Variants in ERC2 observed in about 807,000 individuals in gnomAD.
ERC2 encodes ELKS/RAB6-interacting/CAST family member 2, also known as ERC protein 2.
A neutral mutation model predicts 114.8 loss-of-function variants in ERC2; 42 were observed. The observed-to-expected ratio is 0.37, with a 90% CI of 0.29 to 0.47. The LOEUF is 0.47. ERC2 is among the 20% of genes least tolerant of loss of function. The probability of loss-of-function intolerance (pLI) is 0.99; values close to 1 mark genes in which losing one functional copy is unlikely to be tolerated. For synonymous variants in ERC2, 454 were observed against 425.5 expected, an observed-to-expected ratio of 1.07 and a Z score of -0.82; for missense variants, 939 against 1,150.7, an observed-to-expected ratio of 0.82 and a Z score of 2.66.
chr3:56,431,985 T>TGA (rs2061812480), intron 2 of ERC2, among the ~76,000 whole-genome samples: 1 of 152,224 alleles, frequency 6.6e-6, no homozygotes, highest in African/African-American at 2.4e-5. Flanking sequence ...TATGGCAACC[T>TGA]GAGACGGTTA....
intron 3 of ERC2, among the ~76,000 whole-genome samples, chr3:56,250,208 GT>G (rs1016175563): frequency 1.3e-5 from 2 of 152,088 alleles, no homozygotes; most frequent in Admixed American, 1.3e-4. Context: ...CCCACAAATG[GT>G]TTTGCACCAT....
intron 2 of ERC2, among the ~76,000 whole-genome samples, chr3:56,324,160 C>G (rs933229361): frequency 6.6e-6 from 1 of 152,130 alleles, no homozygotes; most frequent in African/African-American, 2.4e-5. Context: ...CTATTTTAAT[C>G]CTGAAGAAAG....
intron 2 of ERC2, among the ~76,000 whole-genome samples, chr3:56,367,424 T>C (rs1025881620): frequency 1.3e-5 from 2 of 152,174 alleles, no homozygotes; most frequent in African/African-American, 2.4e-5. Context: ...CTATACCCAG[T>C]GCCCTCTTCC....
At chr3:55,656,881 T>A (rs1184750094) in intron 17 of ERC2, among the ~76,000 whole-genome samples, 1 of 151,956 alleles carries the variant, frequency 6.6e-6, no homozygotes, top group Non-Finnish European at 1.5e-5. Flanking sequence ...GTAGAAGGGG[T>A]CACGATGAAG....
chr3:55,569,909 G>A (rs1291333622), intron 17 of ERC2, among the ~76,000 whole-genome samples: 1 of 146,344 alleles, frequency 6.8e-6, no homozygotes, highest in African/African-American at 2.5e-5. Context: ...TCAGGCTGGA[G>A]TGCAGTGGTG....
chr3:55,767,858 T>G (rs1327829767), intron 14 of ERC2, among the ~76,000 whole-genome samples: 3 of 152,134 alleles, frequency 2.0e-5, no homozygotes, highest in African/African-American at 7.2e-5. Context: ...GTACCAAATG[T>G]AGGATGGTGA....
Position 55,699,467 on chromosome 3 carries a change from G to A in ERC2, c.2758C>T (p.His920Tyr), listed in dbSNP as rs2063111636. ...KLMADNYDDD[H>Y]HHYHHHHHHH... ...TGGTGGTGGTGGTGGTAATGGTGAT[G>A]GTCATCATCATAGTTGTCTGCCATC... is the stretch of plus-strand genomic sequence containing the variant. Residue 920 changes from histidine to tyrosine, a missense_variant, in exon 16 of 18, where the codon CAT becomes TAT. Coordinates refer to ENST00000288221, the MANE Select transcript of ERC2 (RefSeq NM_015576.3). 6.2e-7 allele frequency: 1 copy of A among 1,613,596 alleles called. No homozygotes were observed. Among genetic ancestry groups the A allele is most frequent in the Non-Finnish European group, 8.5e-7 (1 of 1,179,722 alleles).
At chr3:56,265,391 G>A (rs942929933) in intron 3 of ERC2, among the ~76,000 whole-genome samples, 4 of 152,146 alleles carry the variant, frequency 2.6e-5, no homozygotes, top group Non-Finnish European at 5.9e-5. Flanking sequence ...TGGGGAAACT[G>A]GATATCCATA....
At chr3:55,888,361 G>C (rs568877262) in intron 14 of ERC2, 28 bp downstream of exon 14, 2 of 1,612,706 alleles carry the variant, frequency 1.2e-6, no homozygotes, top group East Asian at 2.2e-5. Context: ...AGAAGAGAGA[G>C]GCTACCAAAG....
At chr3:55,519,874 C>A (rs1473739648) in intron 17 of ERC2, among the ~76,000 whole-genome samples, 1 of 151,834 alleles carries the variant, frequency 6.6e-6, no homozygotes, top group Non-Finnish European at 1.5e-5. Flanking sequence ...GGAAACACGA[C>A]AAAACCTCAT....
intron 17 of ERC2, among the ~76,000 whole-genome samples, chr3:55,560,259 C>T (rs1028349207): frequency 1.3e-5 from 2 of 152,228 alleles, no homozygotes; most frequent in African/African-American, 2.4e-5. Flanking sequence ...AGTGGGCTGA[C>T]ATTGGCTCAC....
intron 2 of ERC2, among the ~76,000 whole-genome samples, chr3:56,299,118 T>G (rs1344482072): frequency 7.5e-6 from 1 of 133,746 alleles, no homozygotes; most frequent in Non-Finnish European, 1.6e-5. Flanking sequence ...TTTTTTTTTT[T>G]GTTTTTTTTT....
chr3:55,753,339 C>T (rs556318349), intron 14 of ERC2, among the ~76,000 whole-genome samples: 1 of 152,144 alleles, frequency 6.6e-6, no homozygotes, highest in Non-Finnish European at 1.5e-5. Flanking sequence ...CTTGACTTTA[C>T]GTATCTTAGC....
intron 12 of ERC2, among the ~76,000 whole-genome samples, chr3:55,969,717 T>C (rs768433563): frequency 1.8e-4 from 28 of 152,208 alleles, no homozygotes; most frequent in Non-Finnish European, 3.2e-4. Context: ...CAGAAGGCTG[T>C]AGTGCTTGGG....
intron 3 of ERC2, among the ~76,000 whole-genome samples, chr3:56,194,763 T>A (rs1046024773): frequency 1.2e-4 from 18 of 152,170 alleles, no homozygotes. Context: ...CATTGTCATA[T>A]GTGGCCCACA....
chr3:55,938,454 A>G (rs1300103720), intron 13 of ERC2, among the ~76,000 whole-genome samples: 2 of 152,206 alleles, frequency 1.3e-5, no homozygotes, highest in African/African-American at 2.4e-5. Flanking sequence ...ACCAAGCAAC[A>G]GTCAAGAACG....
At chr3:56,286,746 A>G (rs1385305753) in intron 3 of ERC2, among the ~76,000 whole-genome samples, 1 of 151,660 alleles carries the variant, frequency 6.6e-6, no homozygotes, top group Non-Finnish European at 1.5e-5. Context: ...AAGGTAAAAA[A>G]CATTCTTAGC....
At chr3:56,383,901 C>T (rs577837604) in intron 2 of ERC2, among the ~76,000 whole-genome samples, 1 of 152,238 alleles carries the variant, frequency 6.6e-6, no homozygotes, top group Non-Finnish European at 1.5e-5. Context: ...TGCTTTGTGT[C>T]TCTATGAATT....
At position 55,830,217 on chromosome 3, in the gene ERC2, C is replaced by T. The variant is rs150416655; in HGVS notation, c.2564+58172G>A. ...AATCCTGACATAAAGAAACTGTCAA[C>T]TGAGAATTCTACAGCCAGCAAAAAT... is the stretch of plus-strand genomic sequence containing the variant. On this transcript the variant is annotated intron_variant, in intron 14 of 17. Coordinates refer to ENST00000288221, the MANE Select transcript of ERC2 (RefSeq NM_015576.3). Among the ~76,000 whole-genome samples, 451 of 152,222 alleles carry T rather than the reference C, an allele frequency of 3.0e-3. 4 individuals carry two copies. Among genetic ancestry groups the T allele is most frequent in the African/African-American group, 0.01 (429 of 41,540 alleles).
Sources: allele counts gnomAD v4.1 joint callset (sites outside exome capture counted in the v4.1 genomes callset), GRCh38; gene constraint gnomAD v4.1.1; transcripts MANE v1.5; gene names NCBI Gene and HGNC (gene_info 2026-07-23, HGNC 2026-07-21).